The following ATXN7L1 variants were observed in gnomAD, a reference collection of about 807,000 sequenced individuals.
ATXN7L1 encodes ataxin 7 like 1, also known as ataxin-7-like protein 1.
Under a neutral mutation model 70.8 loss-of-function variants are expected in ATXN7L1, and 15 were observed. The ratio of observed to expected loss-of-function variants is 0.21; its 90% CI spans 0.14 to 0.33. ATXN7L1 has a LOEUF of 0.33. ATXN7L1 is among the 10% of genes least tolerant of loss of function. The probability of loss-of-function intolerance (pLI) is 1.00; values close to 1 mark genes in which losing one functional copy is unlikely to be tolerated. For missense variants in ATXN7L1, 975 were observed against 1,097.1 expected, an observed-to-expected ratio of 0.89 and a Z score of 1.57; for synonymous variants, 440 against 445.1, an observed-to-expected ratio of 0.99 and a Z score of 0.14.
chr7:105,617,694 G>A, intron 9 of ATXN7L1: 3 of 347,822 alleles, frequency 8.6e-6, no homozygotes, highest in Non-Finnish European at 1.1e-5. Context: ...TTTGCACACT[G>A]GCCCAGGGAA....
At position 105,626,945 on chromosome 7, in the gene ATXN7L1, T is replaced by C. The variant is rs1156957124; in HGVS notation, c.1203-2678A>G. Among the ~76,000 whole-genome samples, 7 of 152,246 alleles carry C rather than the reference T, an allele frequency of 4.6e-5. No individual in the cohort carries two copies. The South Asian group carries it at 1.4e-3, about 31-fold the overall frequency. On this transcript the variant is annotated intron_variant, in intron 7 of 11. Coordinates refer to ENST00000419735, the MANE Select transcript of ATXN7L1 (RefSeq NM_020725.2). ...GGGTAGTACATACTATTTTGAGAGA[T>C]GCTTTTTAAAAAACCTAGTGATGTT...
chr7:105,796,054 A>C (rs1805943688), intron 2 of ATXN7L1, among the ~76,000 whole-genome samples: 1 of 152,228 alleles, frequency 6.6e-6, no homozygotes. Flanking sequence ...AGGAAGGTAG[A>C]TGTGAGCTCT....
intron 3 of ATXN7L1, among the ~76,000 whole-genome samples, chr7:105,786,106 C>T (rs776933951): frequency 2.1e-4 from 32 of 152,186 alleles, no homozygotes; most frequent in Non-Finnish European, 3.7e-4. Flanking sequence ...GGACACACAC[C>T]TAGAGCTGAG....
In ATXN7L1 at chr7:105,638,711, G is replaced by C. The variant is rs1185220842; in HGVS notation, c.946-102C>G. 5 of 1,412,798 alleles carry C rather than the reference G, an allele frequency of 3.5e-6. No individual in the cohort carries two copies. The East Asian group carries it at 7.5e-5, about 21-fold the overall frequency. 87.5% of individuals were successfully genotyped at this position (1,412,798 alleles called of 1,614,324 possible). On this transcript the variant is annotated intron_variant, in intron 6 of 11. Coordinates refer to ENST00000419735, the MANE Select transcript of ATXN7L1 (RefSeq NM_020725.2). ...AAATAGCAATTCATGGAAATTTAGA[G>C]GTGCTTGAAAAGTCAACTTCAAGGC...
intron 2 of ATXN7L1, among the ~76,000 whole-genome samples, chr7:105,806,382 G>C (rs1387778228): frequency 1.3e-5 from 2 of 152,070 alleles, no homozygotes; most frequent in African/African-American, 4.8e-5. Flanking sequence ...CCTGATCGTG[G>C]GTGTCAGCCT....
chr7:105,805,125 T>C (rs1807371100), intron 2 of ATXN7L1, among the ~76,000 whole-genome samples: 1 of 152,176 alleles, frequency 6.6e-6, no homozygotes, highest in South Asian at 2.1e-4. Context: ...GCTGATGTAG[T>C]GAAGGGCTAA....
chr7:105,616,531 G>A (rs1274290475), intron 9 of ATXN7L1, among the ~76,000 whole-genome samples: 1 of 152,156 alleles, frequency 6.6e-6, no homozygotes, highest in Non-Finnish European at 1.5e-5. Flanking sequence ...ATTCTCTCAA[G>A]CCTAAAGAAG....
chr7:105,696,382 G>A (rs1791705629), intron 3 of ATXN7L1, among the ~76,000 whole-genome samples: 1 of 152,170 alleles, frequency 6.6e-6, no homozygotes, highest in South Asian at 2.1e-4. Flanking sequence ...AACAGTCTTG[G>A]CACGGAAACT....
chr7:105,636,394 C>CAAA (rs1217878273), intron 7 of ATXN7L1, among the ~76,000 whole-genome samples: 1 of 86,570 alleles, frequency 1.2e-5, no homozygotes. Context: ...AACTCTGTCT[C>CAAA]AAAAAAAAAA....
intron 3 of ATXN7L1, among the ~76,000 whole-genome samples, chr7:105,784,458 A>ACACACACACACACACACACACACACT (rs761004403): frequency 1.8e-4 from 28 of 151,640 alleles, no homozygotes; most frequent in African/African-American, 6.6e-4. Flanking sequence ...ACACACACAC[A>ACACACACACACACACACACACACACT]CTTTTTTCAA....
intron 8 of ATXN7L1, among the ~76,000 whole-genome samples, chr7:105,622,973 A>G (rs1386137838): frequency 6.6e-6 from 1 of 152,160 alleles, no homozygotes; most frequent in East Asian, 1.9e-4. Context: ...GCTTGGGAGC[A>G]CCTGCCTCTA....
chr7:105,736,163 G>A (rs1797349209), intron 3 of ATXN7L1, among the ~76,000 whole-genome samples: 1 of 152,200 alleles, frequency 6.6e-6, no homozygotes, highest in South Asian at 2.1e-4. Context: ...ACTGAGTGAT[G>A]AGGCTTCAGT....
intron 3 of ATXN7L1, among the ~76,000 whole-genome samples, chr7:105,729,888 C>T (rs556381786): frequency 1.3e-5 from 2 of 152,250 alleles, no homozygotes; most frequent in South Asian, 4.2e-4. Context: ...CAGGCGCCTG[C>T]CACCACGCCC....
At chr7:105,756,430 G>C (rs891959314) in intron 3 of ATXN7L1, among the ~76,000 whole-genome samples, 1 of 152,174 alleles carries the variant, frequency 6.6e-6, no homozygotes, top group African/African-American at 2.4e-5. Context: ...AGCGACCAGG[G>C]AATGCTTCTC....
chr7:105,803,588 C>G (rs1807136349), intron 2 of ATXN7L1, among the ~76,000 whole-genome samples: 1 of 152,196 alleles, frequency 6.6e-6, no homozygotes, highest in South Asian at 2.1e-4. Context: ...GTTAATGGGT[C>G]CATACCTAAC....
intron 3 of ATXN7L1, among the ~76,000 whole-genome samples, chr7:105,762,348 G>C (rs1481402558): frequency 1.3e-5 from 2 of 152,166 alleles, no homozygotes; most frequent in African/African-American, 4.8e-5. Flanking sequence ...GCACAGTGCT[G>C]TGTACTGCTC....
At chr7:105,709,440 A>G (rs1793607196) in intron 3 of ATXN7L1, among the ~76,000 whole-genome samples, 1 of 152,166 alleles carries the variant, frequency 6.6e-6, no homozygotes, top group African/African-American at 2.4e-5. Flanking sequence ...TCCTAGAGAT[A>G]GTAAAGGACG....
At chr7:105,670,148 G>A (rs1025141181) in intron 3 of ATXN7L1, among the ~76,000 whole-genome samples, 1 of 152,136 alleles carries the variant, frequency 6.6e-6, no homozygotes, top group East Asian at 1.9e-4. Flanking sequence ...TGAGGAGGCG[G>A]GTTAGGTTAG....
intron 3 of ATXN7L1, among the ~76,000 whole-genome samples, chr7:105,787,389 C>T (rs1445320816): frequency 2.0e-5 from 3 of 152,138 alleles, no homozygotes; most frequent in Non-Finnish European, 4.4e-5. Context: ...CTTGCTTTGC[C>T]TTGTGCTGGT....
Sources: allele counts gnomAD v4.1 joint callset (sites outside exome capture counted in the v4.1 genomes callset), GRCh38; gene constraint gnomAD v4.1.1; transcripts MANE v1.5; gene names NCBI Gene and HGNC (gene_info 2026-07-23, HGNC 2026-07-21).